SPTBN2: variants seen among roughly 807,000 people sequenced by gnomAD.
SPTBN2 encodes spectrin beta chain, non-erythrocytic 2.
Under a neutral mutation model 284.2 loss-of-function variants are expected in SPTBN2, and 107 were observed. The ratio of observed to expected loss-of-function variants is 0.38; its 90% confidence interval spans 0.32 to 0.44. The LOEUF is 0.44. Among genes scored for constraint, SPTBN2 ranks in the 20% least tolerant of loss-of-function variants. The pLI is 1.00. For synonymous variants in SPTBN2, 1,289 were observed against 1,354.8 expected (o/e 0.95, Z 1.07); for missense variants, 2,569 against 3,287.1 (o/e 0.78, Z 5.34).
intron 1 of SPTBN2, among the ~76,000 whole-genome samples, chr11:66,741,980 C>A (rs1283340348): frequency 6.6e-6 from 1 of 152,016 alleles, no homozygotes; most frequent in East Asian, 1.9e-4. Flanking sequence ...ATCACTGTAC[C>A]TGGCTAATTT....
At chr11:66,713,345 C>T (rs1217298454) in intron 8 of SPTBN2, among the ~76,000 whole-genome samples, 1 of 151,726 alleles carries the variant, frequency 6.6e-6, no homozygotes, top group Non-Finnish European at 1.5e-5. Flanking sequence ...GTCATGGGGT[C>T]TCACTATGTT....
In SPTBN2 at chr11:66,686,100, T is replaced by G. The variant is rs1940090206; in HGVS notation, c.6944A>C (p.Glu2315Ala). ...EYLFQAKDEA[E>A]MSSWLRVVNA... ...CACCACCCGTAGCCACGAGCTCATC[T>G]CTGCCTGTGGATGGAAAGACCCTCA... is the stretch of plus-strand genomic sequence containing the variant. Residue 2315 changes from glutamate (E) to alanine (A), a missense_variant, in exon 38 of 38, where the codon GAG becomes GCG. Glu to Ala is a moderately radical substitution (Grantham distance 107). This residue lies in a region of SPTBN2 where 1,130 missense variants were observed against 1,317.3 expected (regional missense o/e 0.86). Coordinates refer to ENST00000533211, the MANE Select transcript of SPTBN2 (RefSeq NM_006946.4). 6.2e-7 allele frequency: 1 copy of G among 1,612,726 alleles called. No homozygotes were observed. Among genetic ancestry groups the G allele is most frequent in the South Asian group, 1.1e-5 (1 of 90,950 alleles).
intron 20 of SPTBN2, among the ~76,000 whole-genome samples, 154 bp from the exon 21 acceptor site, chr11:66,696,694 G>T (rs949104359): frequency 6.6e-6 from 1 of 152,182 alleles, no homozygotes; most frequent in African/African-American, 2.4e-5. Context: ...CTTCACGGAG[G>T]TTTAAAATCC....
intron 1 of SPTBN2, chr11:66,744,453 T>G: frequency 6.2e-6 from 1 of 162,062 alleles, no homozygotes; most frequent in East Asian, 1.8e-4. Flanking sequence ...AAAGCCCGGA[T>G]TAGGGCCAAG....
chr11:66,701,072 C>T lies in SPTBN2; in HGVS notation c.3027G>A (p.Glu1009=). The change falls in exon 17 of 38, where the codon GAG becomes GAA. Residue 1009 remains glutamate (E), a synonymous_variant. Transcript: ENST00000533211. ...RKLAGTERDL[E]AIAARVGELT... ...GTTCGCCCACCCGGGCGGCGATGGC[C>T]TCCAGGTCCCGCTCCGTGCCGGCCA... 8.1e-6 allele frequency: 13 copies of T among 1,611,658 alleles called. No individual in the cohort carries two copies. Among genetic ancestry groups the T allele is most frequent in the Non-Finnish European group, 1.0e-5 (12 of 1,179,942 alleles).
In SPTBN2 at chr11:66,718,047, C is replaced by T. The variant is rs1259050979; in HGVS notation, c.158-2066G>A. Among the ~76,000 whole-genome samples the T allele has an allele frequency of 2.6e-5, 4 of 152,144 alleles. No individual in the cohort carries two copies. Among genetic ancestry groups the T allele is most frequent in the African/African-American group, 9.7e-5 (4 of 41,432 alleles). Reference sequence around the variant, plus strand: ...GGTCCCTGGGCCTGGCTCACCCCTCCGCCTCCCCTAACTGTCCTGGCCAGC... The same window carrying T: ...GGTCCCTGGGCCTGGCTCACCCCTCTGCCTCCCCTAACTGTCCTGGCCAGC... On this transcript the variant is annotated intron_variant, in intron 3 of 37. Coordinates refer to ENST00000533211, the MANE Select transcript of SPTBN2 (RefSeq NM_006946.4). The surrounding 1 kb of genome is among the most constrained non-coding windows in gnomAD (Gnocchi z 4.8).
upstream of SPTBN2, among the ~76,000 whole-genome samples, chr11:66,730,533 T>C (rs1015710442): frequency 1.3e-5 from 2 of 151,244 alleles, no homozygotes; most frequent in Non-Finnish European, 2.9e-5. Context: ...TGAGCTGAGA[T>C]TGTGCCACTG....
intron 37 of SPTBN2, 112 bp downstream of exon 37, chr11:66,686,286 T>TA: frequency 5.3e-6 from 8 of 1,506,704 alleles, no homozygotes; most frequent in Non-Finnish European, 4.6e-6. Context: ...CATCCAGTCT[T>TA]ACCACAAAGG....
In SPTBN2 at chr11:66,713,651, G is replaced by GT; in HGVS notation, c.751dup (p.Thr251AsnfsTer16). ...CCCACCTTCGGGATCCAGCAGCTTG[G>GT]TAAGTCCCAGTTCCTTTTCAGCCAG... On this transcript the variant is annotated frameshift_variant, in exon 8 of 38. Coordinates refer to ENST00000533211, the MANE Select transcript of SPTBN2 (RefSeq NM_006946.4). LOFTEE classifies it high-confidence loss of function. 2 of 1,613,864 alleles carry GT rather than the reference G, an allele frequency of 1.2e-6. No homozygotes were observed. Among genetic ancestry groups the GT allele is most frequent in the Non-Finnish European group, 1.7e-6 (2 of 1,179,942 alleles).
chr11:66,714,467 G>GC, intron 5 of SPTBN2, 60 bp from the exon 6 acceptor site: 2 of 1,413,564 alleles, frequency 1.4e-6, no homozygotes, highest in Non-Finnish European at 2.0e-6. Flanking sequence ...TGTTATCAGA[G>GC]ATGCTCAGAT....
At chr11:66,733,839 G>A (rs111727238), upstream of SPTBN2, among the ~76,000 whole-genome samples, 4 of 152,094 alleles carry the variant, frequency 2.6e-5, no homozygotes, top group East Asian at 3.9e-4. Context: ...TTAGCCGGGC[G>A]CGGTGGCAGG....
chr11:66,699,670 A>G (rs921763228), intron 17 of SPTBN2, 62 bp from the exon 18 acceptor site: 2 of 1,571,070 alleles, frequency 1.3e-6, no homozygotes, highest in Non-Finnish European at 1.7e-6. Flanking sequence ...CCTAGGAGGG[A>G]CCCACCCAGG....
intron 1 of SPTBN2, among the ~76,000 whole-genome samples, chr11:66,723,083 G>A (rs958648616): frequency 1.1e-4 from 16 of 151,882 alleles, no homozygotes; most frequent in Non-Finnish European, 2.1e-4. Context: ...ATGAGCAGCC[G>A]TGGCTCCTGC....
intron 21 of SPTBN2, among the ~76,000 whole-genome samples, chr11:66,696,057 T>C (rs1196247843): frequency 1.3e-5 from 2 of 152,198 alleles, no homozygotes; most frequent in African/African-American, 4.8e-5. Context: ...TTCTTTTTAC[T>C]GAAGTTCTCA....
chr11:66,731,768 G>A (rs1235116867), upstream of SPTBN2, among the ~76,000 whole-genome samples: 2 of 152,072 alleles, frequency 1.3e-5, no homozygotes, highest in Non-Finnish European at 2.9e-5. Context: ...TCACTTCCTC[G>A]CCCCTGCTCA....
At position 66,685,980 on chromosome 11, in the gene SPTBN2, A is replaced by G; in HGVS notation, c.7064T>C (p.Met2355Thr). 1 of 1,613,868 alleles carries G rather than the reference A, an allele frequency of 6.2e-7. No homozygotes were observed. Among genetic ancestry groups the G allele is most frequent in the Non-Finnish European group, 8.5e-7 (1 of 1,180,000 alleles). ...TTRGMTRAMT[M>T]PPVSPVGAEG... ...AGCCCCGACGGGTGACACTGGGGGC[A>G]TGGTCATGGCCCGGGTCATGCCCCG... Residue 2355 changes from methionine (M) to threonine (T), a missense_variant, in exon 38 of 38, where the codon ATG becomes ACG. Met to Thr is a moderately conservative substitution (Grantham distance 81, BLOSUM62 -1). Coordinates refer to ENST00000533211, the MANE Select transcript of SPTBN2 (RefSeq NM_006946.4). This position sits in a 1 kb window ranked among gnomAD's most constrained non-coding sequence, Gnocchi z 4.4.
At position 66,699,101 on chromosome 11, in the gene SPTBN2, G is replaced by A; in HGVS notation, c.3777-19C>T. ...CTTGTGCCTGGAACGACACCCTCTT[G>A]TGAAACTCTGGAATTTGCTGTGAAA... is the stretch of plus-strand genomic sequence containing the variant. On this transcript the variant is annotated intron_variant, in intron 18 of 37. Transcript: ENST00000533211. 2 of 1,614,102 alleles carry A rather than the reference G, an allele frequency of 1.2e-6. No homozygotes were observed. Among genetic ancestry groups the A allele is most frequent in the Non-Finnish European group, 1.7e-6 (2 of 1,179,936 alleles).
In SPTBN2 at chr11:66,687,116, G is replaced by A; in HGVS notation, c.6774C>T (p.Tyr2258=). The A allele has an allele frequency of 6.2e-7, 1 of 1,614,084 alleles. No individual in the cohort carries two copies. Among genetic ancestry groups the A allele is most frequent in the Non-Finnish European group, 8.5e-7 (1 of 1,180,046 alleles). Residue 2258 remains tyrosine (Y), a synonymous_variant, in exon 36 of 38, where the codon TAC becomes TAT. Transcript: ENST00000533211. This position sits in a 1 kb window ranked among gnomAD's most constrained non-coding sequence, Gnocchi z 5.2. ...CVLRRGSLGF[Y]KDAKAASAGV... ...CCGCGCTGGCTGCCTTGGCATCCTT[G>A]TAAAAGCCGAGGCTCCCACGCCGCA...
rs1002078023 is a variant in SPTBN2 at position 66,686,764 on chromosome 11, C to T, written c.6896+230G>A. 2.3e-4 allele frequency: 153 copies of T among 659,348 alleles called. No individual in the cohort carries two copies. The East Asian group carries it at 4.2e-3, about 18-fold the overall frequency. The allele number at this position is 659,348 out of a possible 1,614,324, so 40.8% of individuals were successfully genotyped here. On this transcript the variant is annotated intron_variant, in intron 36 of 37. Transcript: ENST00000533211. ...GGATTTCCCACCCTGGGTAATTTTT[C>T]ACCTTGACATTGGCAGCCGTCAGGC...
Sources: gnomAD v4.1 joint callset for allele counts (sites outside exome capture counted in the v4.1 genomes callset) on GRCh38, gnomAD v4.1.1 for gene constraint, gnomAD v4.1.1 regional missense constraint, Gnocchi (gnomAD v3.1) non-coding constraint, MANE v1.5 for transcripts, NCBI Gene and HGNC (gene_info 2026-07-23, HGNC 2026-07-21) for gene names.